The following MAML2 variants were observed in gnomAD, a reference collection of about 807,000 sequenced individuals.
MAML2 encodes the protein mastermind-like protein 2.
Under a neutral mutation model 96.1 loss-of-function variants are expected in MAML2, and 22 were observed. The observed-to-expected ratio is 0.23, with a 90% CI of 0.16 to 0.33. MAML2 has a LOEUF of 0.33. Ranked by LOEUF, MAML2 falls within the 10% of genes least tolerant of loss-of-function variation. MAML2 has a pLI of 1.00. For synonymous variants in MAML2, 561 were observed against 521.3 expected (o/e 1.08, Z -1.04); for missense variants, 1,367 against 1,392.4 (o/e 0.98, Z 0.29).
At chr11:96,311,228 T>C (rs1445795603) in intron 1 of MAML2, among the ~76,000 whole-genome samples, 1 of 152,214 alleles carries the variant, frequency 6.6e-6, no homozygotes, top group Non-Finnish European at 1.5e-5. Context: ...TGAGAAGTCA[T>C]GTGAGTCCAT....
intron 2 of MAML2, among the ~76,000 whole-genome samples, chr11:96,038,064 A>G (rs1305889470): frequency 6.6e-6 from 1 of 152,220 alleles, no homozygotes; most frequent in Non-Finnish European, 1.5e-5. Flanking sequence ...GTAAAATATG[A>G]AAGCAGGTAA....
At chr11:96,159,557 C>CT (rs1861071695) in intron 1 of MAML2, among the ~76,000 whole-genome samples, 1 of 151,918 alleles carries the variant, frequency 6.6e-6, no homozygotes. Flanking sequence ...TCCCGAGTTG[C>CT]TGGGACTACA....
intron 1 of MAML2, among the ~76,000 whole-genome samples, chr11:96,197,556 G>T (rs556726216): frequency 2.0e-5 from 3 of 152,094 alleles, no homozygotes; most frequent in Admixed American, 6.5e-5. Context: ...CTCATTTCTC[G>T]TATCTTTATT....
intron 1 of MAML2, among the ~76,000 whole-genome samples, chr11:96,176,880 C>T (rs1047000854): frequency 2.0e-5 from 3 of 151,982 alleles, no homozygotes; most frequent in East Asian, 3.9e-4. Context: ...TTTTCCTGAT[C>T]GGCATACCAC....
intron 2 of MAML2, among the ~76,000 whole-genome samples, chr11:96,009,111 A>G (rs780988038): frequency 1.3e-5 from 2 of 152,206 alleles, no homozygotes; most frequent in African/African-American, 4.8e-5. Context: ...ATATTGTTAG[A>G]TGTAATATTA....
intron 2 of MAML2, among the ~76,000 whole-genome samples, chr11:96,003,476 G>A (rs1270609095): frequency 6.6e-6 from 1 of 151,980 alleles, no homozygotes; most frequent in Non-Finnish European, 1.5e-5. Flanking sequence ...CTTTAAAGGC[G>A]ATTGAGCTTA....
chr11:96,082,363 G>A (rs180726167), intron 2 of MAML2, among the ~76,000 whole-genome samples: 2 of 152,148 alleles, frequency 1.3e-5, no homozygotes, highest in Non-Finnish European at 2.9e-5. Context: ...ACTGTGCTGT[G>A]GGTACTAGAG....
At chr11:96,113,604 G>GAAAAAAAAAA in intron 1 of MAML2, among the ~76,000 whole-genome samples, 2 of 139,198 alleles carry the variant, frequency 1.4e-5, no homozygotes, top group Middle Eastern at 3.7e-3. Flanking sequence ...CCCGTTGTTT[G>GAAAAAAAAAA]AAAAAAAAAA....
chr11:95,983,890 G>T (rs1037484325), intron 4 of MAML2, among the ~76,000 whole-genome samples: 3 of 152,020 alleles, frequency 2.0e-5, no homozygotes, highest in African/African-American at 7.2e-5. Flanking sequence ...TATTATTAAA[G>T]AAAGAAATTT....
chr11:95,991,572 A>G lies in MAML2; in HGVS notation c.2291T>C (p.Ile764Thr), dbSNP rs1228915608. 7 of 1,613,816 alleles carry G rather than the reference A, an allele frequency of 4.3e-6. No homozygotes were observed. Among genetic ancestry groups the G allele is most frequent in the Non-Finnish European group, 5.9e-6 (7 of 1,179,750 alleles). Residue 764 changes from isoleucine (I) to threonine (T), a missense_variant, in exon 3 of 5, where the codon ATC becomes ACC. Ile to Thr is a moderately conservative substitution (Grantham distance 89). Transcript: ENST00000524717. ...MGKKQTLQRQ[I>T]MEQKQQLLLQ... ...AAGAAGTTGCTGTTTCTGCTCCATG[A>G]TCTGCCTCTGTAGAGTCTGCTTCTT...
intron 1 of MAML2, among the ~76,000 whole-genome samples, chr11:96,120,666 C>T (rs573381512): frequency 2.6e-5 from 4 of 152,320 alleles, no homozygotes; most frequent in South Asian, 2.1e-4. Flanking sequence ...TGGAGCAAGA[C>T]GCTAGGGTAA....
At chr11:96,091,134 A>G (rs1426294369) in intron 2 of MAML2, among the ~76,000 whole-genome samples, 3 of 152,196 alleles carry the variant, frequency 2.0e-5, no homozygotes. Context: ...GTTTTATGTT[A>G]ACCAAACGAT....
chr11:96,111,070 A>AG (rs1236996781), intron 1 of MAML2, among the ~76,000 whole-genome samples: 1 of 152,074 alleles, frequency 6.6e-6, no homozygotes, highest in Non-Finnish European at 1.5e-5. Context: ...GGGAGTGGGG[A>AG]GGGGTAGTGG....
intron 2 of MAML2, among the ~76,000 whole-genome samples, chr11:96,056,638 C>G (rs759077546): frequency 4.0e-4 from 61 of 152,192 alleles, no homozygotes; most frequent in Non-Finnish European, 5.3e-4. Context: ...CATGAGAATA[C>G]TGATTTACAT....
At chr11:96,004,812 C>T (rs558133225) in intron 2 of MAML2, among the ~76,000 whole-genome samples, 2 of 152,262 alleles carry the variant, frequency 1.3e-5, no homozygotes, top group African/African-American at 4.8e-5. Context: ...GTGACACAGT[C>T]TCTGGCCCCT....
intron 1 of MAML2, among the ~76,000 whole-genome samples, chr11:96,341,025 G>A (rs1177495181): frequency 6.6e-6 from 1 of 152,166 alleles, no homozygotes; most frequent in African/African-American, 2.4e-5. Context: ...CCTAATCAGA[G>A]CTGGCTGGCC....
intron 1 of MAML2, among the ~76,000 whole-genome samples, chr11:96,317,045 G>A (rs376529210): frequency 6.6e-6 from 1 of 152,150 alleles, no homozygotes; most frequent in Non-Finnish European, 1.5e-5. Flanking sequence ...CAAGCCCTCT[G>A]GTTTTACTCG....
chr11:96,299,542 C>G (rs1863357798), intron 1 of MAML2, among the ~76,000 whole-genome samples: 1 of 152,014 alleles, frequency 6.6e-6, no homozygotes, highest in Non-Finnish European at 1.5e-5. Flanking sequence ...GTGAGCAGGC[C>G]TCGCCCTCAG....
chr11:96,006,477 T>C (rs1858179439), intron 2 of MAML2, among the ~76,000 whole-genome samples: 1 of 152,122 alleles, frequency 6.6e-6, no homozygotes, highest in Non-Finnish European at 1.5e-5. Flanking sequence ...GATCTGATGC[T>C]ACTCTGTGAC....
Sources: gnomAD v4.1 joint callset for allele counts (sites outside exome capture counted in the v4.1 genomes callset) on GRCh38, gnomAD v4.1.1 for gene constraint, MANE v1.5 for transcripts, NCBI Gene and HGNC (gene_info 2026-07-23, HGNC 2026-07-21) for gene names.